DAAM2: variants seen among roughly 807,000 people sequenced by gnomAD.
DAAM2 encodes the protein disheveled-associated activator of morphogenesis 2.
DAAM2 carries 39 observed loss-of-function variants against 120.7 expected under a neutral mutation model. The ratio of observed to expected loss-of-function variants is 0.32; its 90% CI spans 0.25 to 0.42. DAAM2 has a LOEUF of 0.42. Among genes scored for constraint, DAAM2 ranks in the 10% least tolerant of loss-of-function variants. DAAM2 has a pLI of 1.00. For missense variants in DAAM2, 1,283 were observed against 1,401.7 expected, an observed-to-expected ratio of 0.92 and a Z score of 1.35; for synonymous variants, 488 against 524.9, an observed-to-expected ratio of 0.93 and a Z score of 0.96.
intron 14 of DAAM2, among the ~76,000 whole-genome samples, chr6:39,881,447 G>A (rs891741396): frequency 2.6e-5 from 4 of 152,258 alleles, no homozygotes; most frequent in Non-Finnish European, 5.9e-5. Flanking sequence ...AGCCGGGTGC[G>A]GTGGCTCACG....
chr6:39,897,143 T>A (rs778825963), intron 20 of DAAM2, 32 bp from the exon 21 acceptor site: 21 of 1,578,236 alleles, frequency 1.3e-5, no homozygotes, highest in Non-Finnish European at 1.7e-5. Context: ...GTTTCCTCTG[T>A]CACTTACCAC....
intron 1 of DAAM2, 32 bp from the exon 2 acceptor site, chr6:39,856,215 C>T: frequency 1.5e-6 from 2 of 1,347,212 alleles, no homozygotes; most frequent in Non-Finnish European, 1.9e-6. Context: ...GACTGTATGC[C>T]TGACCACCCT....
chr6:39,857,597 TGAGTA>T (rs1764058181), intron 2 of DAAM2, among the ~76,000 whole-genome samples: 2 of 152,104 alleles, frequency 1.3e-5, no homozygotes, highest in Non-Finnish European at 2.9e-5. Flanking sequence ...GATATTTTCT[TGAGTA>T]GAGTGAGTTT....
At chr6:39,831,431 A>C (rs927970413) in intron 1 of DAAM2, among the ~76,000 whole-genome samples, 1 of 151,978 alleles carries the variant, frequency 6.6e-6, no homozygotes, top group African/African-American at 2.4e-5. Context: ...TAATCCCCAC[A>C]ATTAATCCCC....
chr6:39,841,541 T>C (rs145774220), intron 1 of DAAM2, among the ~76,000 whole-genome samples: 150 of 152,080 alleles, frequency 9.9e-4, no homozygotes, highest in African/African-American at 3.2e-3. Flanking sequence ...TGGATCAGAT[T>C]TCACATCGTT....
At chr6:39,874,753 A>G (rs1764801046) in intron 10 of DAAM2, among the ~76,000 whole-genome samples, 2 of 152,222 alleles carry the variant, frequency 1.3e-5, no homozygotes, top group Admixed American at 1.3e-4. Context: ...ACTCTATGAG[A>G]TCACACACAA....
chr6:39,877,205 C>T (rs995141874), intron 11 of DAAM2, among the ~76,000 whole-genome samples: 3 of 152,208 alleles, frequency 2.0e-5, no homozygotes, highest in Non-Finnish European at 4.4e-5. Flanking sequence ...ACCCCAGTTC[C>T]TCCATGAGGC....
In DAAM2 at chr6:39,864,392, G is replaced by A. The variant is rs1477704115; in HGVS notation, c.259-41G>A. ...GCTCAGGATCTCAGGCCACGGGCCTGTCTTGCCTGTTGGTCCATGCTGTCC... is the reference window on the plus strand; with the variant it reads ...GCTCAGGATCTCAGGCCACGGGCCTATCTTGCCTGTTGGTCCATGCTGTCC... On this transcript the variant is annotated intron_variant, in intron 3 of 24. Coordinates refer to ENST00000274867, the MANE Select transcript of DAAM2 (RefSeq NM_001201427.2). 6.5e-6 allele frequency: 10 copies of A among 1,540,590 alleles called. No individual in the cohort carries two copies. In the African/African-American group the frequency reaches 9.5e-5, roughly 15 times the overall value.
chr6:39,797,142 T>C (rs186904223), intron 1 of DAAM2, among the ~76,000 whole-genome samples: 22 of 152,210 alleles, frequency 1.4e-4, no homozygotes, highest in African/African-American at 4.6e-4. Context: ...TGACCCTCTA[T>C]TGGAATAAAG....
intron 1 of DAAM2, among the ~76,000 whole-genome samples, chr6:39,802,271 A>G (rs1176554708): frequency 1.3e-5 from 2 of 152,254 alleles, no homozygotes; most frequent in African/African-American, 4.8e-5. Context: ...TAGAGGCAGC[A>G]TAAAGCTGTT....
At chr6:39,842,775 T>C (rs1444109926) in intron 1 of DAAM2, among the ~76,000 whole-genome samples, 2 of 144,022 alleles carry the variant, frequency 1.4e-5, no homozygotes, top group Non-Finnish European at 3.0e-5. Context: ...TAGGTTGGAG[T>C]GGTTAGGGAG....
At chr6:39,829,820 C>T (rs949254299) in intron 1 of DAAM2, among the ~76,000 whole-genome samples, 8 of 152,154 alleles carry the variant, frequency 5.3e-5, no homozygotes, top group Admixed American at 4.6e-4. Flanking sequence ...GAAGCTGGCA[C>T]CCTCCCCAGA....
intron 1 of DAAM2, among the ~76,000 whole-genome samples, chr6:39,850,553 G>C (rs1025134008): frequency 2.6e-5 from 4 of 152,152 alleles, no homozygotes; most frequent in African/African-American, 9.7e-5. Flanking sequence ...CTAGAAGCTG[G>C]TCAAAAGCAC....
chr6:39,901,579 G>A lies in DAAM2; in HGVS notation c.2982+107G>A. Reference sequence around the variant, plus strand: ...GGAGGGCAGAGACTGAGGAACTGAGGAACACCATAGGGGTTGGATGTCAGC... The same window carrying A: ...GGAGGGCAGAGACTGAGGAACTGAGAAACACCATAGGGGTTGGATGTCAGC... On this transcript the variant is annotated intron_variant, in intron 24 of 24. Coordinates refer to ENST00000274867, the MANE Select transcript of DAAM2 (RefSeq NM_001201427.2). The surrounding 1 kb of genome is among the most constrained non-coding windows in gnomAD (Gnocchi z 4.5). 1 of 1,271,262 alleles carries A rather than the reference G, an allele frequency of 7.9e-7. No homozygotes were observed. Among genetic ancestry groups the A allele is most frequent in the Admixed American group, 2.4e-5 (1 of 41,436 alleles). 78.7% of individuals were successfully genotyped at this position (1,271,262 alleles called of 1,614,324 possible).
rs575368273 is a variant in DAAM2 at position 39,835,407 on chromosome 6, C to T, written c.-56-20840C>T. ...CTTACCAGTGGCTGGGAGATCTCTT[C>T]TCACGTTAGAAGAGACTTGAGGAAC... On this transcript the variant is annotated intron_variant, in intron 1 of 24. Coordinates refer to ENST00000274867, the MANE Select transcript of DAAM2 (RefSeq NM_001201427.2). 5.3e-5 allele frequency among the ~76,000 whole-genome samples: 8 copies of T among 152,344 alleles called. 1 individual carries two copies. The South Asian group carries it at 1.7e-3, about 32-fold the overall frequency.
At position 39,801,804 on chromosome 6, in the gene DAAM2, C is replaced by T. The variant is rs951305238; in HGVS notation, c.-57+9339C>T. On this transcript the variant is annotated intron_variant, in intron 1 of 24. Transcript: ENST00000274867. Reference sequence around the variant, plus strand: ...CACAGCTCATGTCTGACCACATTCCCGGGGGGTCAGTGTTAACACTCCCTT... The same window carrying T: ...CACAGCTCATGTCTGACCACATTCCTGGGGGGTCAGTGTTAACACTCCCTT... Among the ~76,000 whole-genome samples, 4 of 152,164 alleles carry T rather than the reference C, an allele frequency of 2.6e-5. No homozygotes were observed. The East Asian group carries it at 5.8e-4, about 22-fold the overall frequency.
chr6:39,834,801 T>C (rs1763044154), intron 1 of DAAM2, among the ~76,000 whole-genome samples: 1 of 152,160 alleles, frequency 6.6e-6, no homozygotes, highest in Non-Finnish European at 1.5e-5. Flanking sequence ...AATTCTGAGA[T>C]GGAGGGCAGG....
chr6:39,879,726 T>C, intron 14 of DAAM2: 1 of 593,802 alleles, frequency 1.7e-6, no homozygotes, highest in South Asian at 1.9e-5. Flanking sequence ...AAATGGAATT[T>C]GTGTTTGCCC....
chr6:39,882,657 C>T (rs538788803), intron 14 of DAAM2, among the ~76,000 whole-genome samples: 39 of 151,818 alleles, frequency 2.6e-4, no homozygotes, highest in African/African-American at 7.7e-4. Context: ...AGAAGCCCGA[C>T]GCCTCTCCTA....
Sources: allele counts gnomAD v4.1 joint callset (sites outside exome capture counted in the v4.1 genomes callset), GRCh38; gene constraint gnomAD v4.1.1; non-coding constraint Gnocchi (gnomAD v3.1); transcripts MANE v1.5; gene names NCBI Gene and HGNC (gene_info 2026-07-23, HGNC 2026-07-21).